The following PRP4K variants were observed in gnomAD, a reference collection of about 807,000 sequenced individuals.
PRP4K encodes the protein serine/threonine-protein kinase PRP4 homolog.
At chr6:4,030,166 C>G in the PRP4K span, among the ~76,000 whole-genome samples, 3 of 152,196 alleles carry the variant, frequency 2.0e-5, no homozygotes, top group African/African-American at 7.2e-5. Context: ...TGGTCTTGAA[C>G]TCCTGACCTC....
chr6:4,050,353 T>A, the PRP4K span: 1 of 821,092 alleles, frequency 1.2e-6, no homozygotes, highest in Non-Finnish European at 1.8e-6. Flanking sequence ...GACTGGATTT[T>A]AAAATTATAG....
the PRP4K span, among the ~76,000 whole-genome samples, chr6:4,054,750 C>T: frequency 6.6e-6 from 1 of 152,052 alleles, no homozygotes. Flanking sequence ...GTGATCTGCC[C>T]GCCTCGTCCT....
the PRP4K span, chr6:4,053,002 A>G: frequency 2.5e-6 from 2 of 802,104 alleles, no homozygotes; most frequent in Non-Finnish European, 1.8e-6. Context: ...CCTATTTCAA[A>G]TGACTAATAC....
At chr6:4,032,938 GA>G in the PRP4K span, among the ~76,000 whole-genome samples, 1 of 152,094 alleles carries the variant, frequency 6.6e-6, no homozygotes. Flanking sequence ...CACTTTTTTC[GA>G]TGAGTATTTT....
chr6:4,039,332 C>T, the PRP4K span, among the ~76,000 whole-genome samples: 2 of 152,216 alleles, frequency 1.3e-5, no homozygotes, highest in South Asian at 2.1e-4. Flanking sequence ...ATGAGTTTTC[C>T]GGAATCCTTT....
At chr6:4,056,608 A>T in the PRP4K span, 1 of 1,588,008 alleles carries the variant, frequency 6.3e-7, no homozygotes, top group South Asian at 1.1e-5. Context: ...TTGTGACAGG[A>T]GTCTTGATCA....
At chr6:4,029,012 C>CTTTTTTTTTTTT in the PRP4K span, among the ~76,000 whole-genome samples, 1,288 of 132,210 alleles carry the variant, frequency 9.7e-3, 88 homozygotes, top group Non-Finnish European at 0.016. Context: ...TACTTGGAAT[C>CTTTTTTTTTTTT]TTTTTTTTTT....
At chr6:4,060,334 A>C in the PRP4K span, 1 of 1,304,330 alleles carries the variant, frequency 7.7e-7, no homozygotes. The surrounding 1 kb of genome is among the most constrained non-coding windows in gnomAD (Gnocchi z 4.7). Context: ...TATTTTTGAT[A>C]GACCCCAAAA....
the PRP4K span, among the ~76,000 whole-genome samples, chr6:4,028,178 A>G: frequency 6.6e-6 from 1 of 152,102 alleles, no homozygotes; most frequent in African/African-American, 2.4e-5. Flanking sequence ...ATAATAAAAC[A>G]ATGATGGTGT....
the PRP4K span, chr6:4,051,935 C>T: frequency 3.5e-6 from 5 of 1,448,836 alleles, no homozygotes; most frequent in Non-Finnish European, 4.7e-6. Context: ...CAATTTTACC[C>T]CAATTTTTTT....
chr6:4,041,635 C>T, the PRP4K span, among the ~76,000 whole-genome samples: 1 of 151,908 alleles, frequency 6.6e-6, no homozygotes, highest in Non-Finnish European at 1.5e-5. Context: ...TAGAGCCATT[C>T]TCAACAGGAG....
At chr6:4,047,429 T>G in the PRP4K span, among the ~76,000 whole-genome samples, 3 of 152,310 alleles carry the variant, frequency 2.0e-5, no homozygotes, top group Non-Finnish European at 2.9e-5. Flanking sequence ...TGTCAAAAAT[T>G]TTAAGACAGG....
the PRP4K span, among the ~76,000 whole-genome samples, chr6:4,045,177 G>A: frequency 3.9e-5 from 6 of 152,084 alleles, no homozygotes; most frequent in East Asian, 1.9e-4. Flanking sequence ...ACTGTTGAAC[G>A]GACATGGCTG....
chr6:4,058,595 C>A, the PRP4K span: 1 of 699,990 alleles, frequency 1.4e-6, no homozygotes, highest in Non-Finnish European at 2.4e-6. Context: ...TTCCTGGGAT[C>A]AAGGGAATCT....
chr6:4,058,108 T>A, the PRP4K span, among the ~76,000 whole-genome samples: 2 of 152,160 alleles, frequency 1.3e-5, no homozygotes, highest in Admixed American at 6.5e-5. Flanking sequence ...ACCCCTGGGC[T>A]CAAGCAGTTC....
At chr6:4,028,650 C>T in the PRP4K span, among the ~76,000 whole-genome samples, 3 of 152,220 alleles carry the variant, frequency 2.0e-5, no homozygotes, top group Admixed American at 1.3e-4. Context: ...ACCTGACTTT[C>T]ACCAGAGGAC....
chr6:4,059,847 GT>G, the PRP4K span, among the ~76,000 whole-genome samples: 1 of 152,144 alleles, frequency 6.6e-6, no homozygotes, highest in Non-Finnish European at 1.5e-5. Context: ...GTTTTGCAGT[GT>G]TGCCCAGGCT....
At chr6:4,041,262 G>A in the PRP4K span, among the ~76,000 whole-genome samples, 1 of 152,126 alleles carries the variant, frequency 6.6e-6, no homozygotes, top group African/African-American at 2.4e-5. Context: ...TAAAAGTTTA[G>A]AACTTTGAGT....
At chr6:4,036,083 A>G in the PRP4K span, among the ~76,000 whole-genome samples, 1 of 152,262 alleles carries the variant, frequency 6.6e-6, no homozygotes, top group Non-Finnish European at 1.5e-5. Flanking sequence ...CTGGAATAAC[A>G]TTAAGAAATG....
Sources: gnomAD v4.1 joint callset for allele counts (sites outside exome capture counted in the v4.1 genomes callset) on GRCh38, gnomAD v4.1.1 for gene constraint, Gnocchi (gnomAD v3.1) non-coding constraint, MANE v1.5 for transcripts, NCBI Gene and HGNC (gene_info 2026-07-23, HGNC 2026-07-21) for gene names.